The following ITGAV variants were observed in gnomAD, a reference collection of about 807,000 sequenced individuals.
ITGAV encodes integrin alpha-V.
A neutral mutation model predicts 143.8 loss-of-function variants in ITGAV; 76 were observed. That is an observed-to-expected ratio of 0.53 (90% CI 0.44 to 0.64). The LOEUF (loss-of-function observed/expected upper bound fraction) is 0.64, where lower values mean the gene tolerates loss of function less well. Among genes scored for constraint, ITGAV ranks in the 30% least tolerant of loss-of-function variants. The pLI, the probability that ITGAV is intolerant of heterozygous loss-of-function variation, is 0.00. For missense variants in ITGAV, 1,193 were observed against 1,274.7 expected (o/e 0.94, Z 0.98); for synonymous variants, 453 against 446.7 (o/e 1.01, Z -0.18).
intron 12 of ITGAV, among the ~76,000 whole-genome samples, chr2:186,645,166 GTAATA>G (rs778873720): frequency 5.1e-4 from 77 of 152,268 alleles, no homozygotes; most frequent in Non-Finnish European, 9.4e-4. Context: ...AGAAGGCAAG[GTAATA>G]TAATAGAGTT....
chr2:186,611,686 A>G (rs2105669578), intron 2 of ITGAV, among the ~76,000 whole-genome samples: 2 of 152,324 alleles, frequency 1.3e-5, no homozygotes, highest in South Asian at 4.1e-4. Context: ...ATTAACTGTG[A>G]CGTTGGGCAA....
At chr2:186,627,706 C>T (rs990884521) in intron 4 of ITGAV, among the ~76,000 whole-genome samples, 1 of 152,126 alleles carries the variant, frequency 6.6e-6, no homozygotes, top group African/African-American at 2.4e-5. Flanking sequence ...TCATCTAGTA[C>T]AGTTGTGAGA....
Position 186,641,596 on chromosome 2 carries a change from C to G in ITGAV, c.1159+8C>G. 1 of 1,610,944 alleles carries G rather than the reference C, an allele frequency of 6.2e-7. No individual in the cohort carries two copies. The highest frequency in any genetic ancestry group is 8.5e-7 in the Non-Finnish European group (1 of 1,177,408). On this transcript the variant is annotated splice_region_variant and intron_variant, in intron 12 of 29. Coordinates refer to ENST00000261023, the MANE Select transcript of ITGAV (RefSeq NM_002210.5). Reference sequence around the variant, plus strand: ...ACCAGGATGGTTTCAATGGTAAGATCAAAGTTTAGCAGCTACAGGTCCCTG... The same window carrying G: ...ACCAGGATGGTTTCAATGGTAAGATGAAAGTTTAGCAGCTACAGGTCCCTG...
intron 8 of ITGAV, among the ~76,000 whole-genome samples, 198 bp from the exon 9 acceptor site, chr2:186,638,079 G>T (rs1687995917): frequency 6.6e-6 from 1 of 152,166 alleles, no homozygotes; most frequent in South Asian, 2.1e-4. Context: ...GAGCCCTCCA[G>T]AATTTGTATT....
chr2:186,649,501 G>T (rs988271714), intron 13 of ITGAV, among the ~76,000 whole-genome samples: 1 of 152,002 alleles, frequency 6.6e-6, no homozygotes, highest in Non-Finnish European at 1.5e-5. Context: ...AAATTTTACA[G>T]TAAGATTGTA....
chr2:186,599,764 GCT>G (rs1033425445), intron 1 of ITGAV, among the ~76,000 whole-genome samples: 1 of 152,172 alleles, frequency 6.6e-6, no homozygotes, highest in African/African-American at 2.4e-5. Context: ...CTGCTTCTCT[GCT>G]CTCTAGGCTT....
intron 6 of ITGAV, among the ~76,000 whole-genome samples, chr2:186,633,728 C>T (rs972629800): frequency 3.3e-5 from 5 of 151,954 alleles, no homozygotes; most frequent in South Asian, 2.1e-4. Flanking sequence ...AGGCAGTGTG[C>T]GAAACCAATC....
chr2:186,622,321 C>T lies in ITGAV; in HGVS notation c.317-18C>T. ...ATAGTATATTTTGTGTCTTACCACTCACAATATTCTTTTTTAGGCAATAGA... is the reference window on the plus strand; with the variant it reads ...ATAGTATATTTTGTGTCTTACCACTTACAATATTCTTTTTTAGGCAATAGA... On this transcript the variant is annotated intron_variant, in intron 2 of 29. Transcript: ENST00000261023. The T allele has an allele frequency of 6.4e-7, 1 of 1,551,704 alleles. No individual in the cohort carries two copies. The highest frequency in any genetic ancestry group is 8.9e-7 in the Non-Finnish European group (1 of 1,124,194).
Position 186,667,731 on chromosome 2 carries a change from T to A in ITGAV, c.2388T>A (p.Pro796=). Residue 796 remains proline, a synonymous_variant, in exon 24 of 30, where the codon CCT becomes CCA. Transcript: ENST00000261023. Reference sequence around the variant, plus strand: ...CAAACTGGGAGCACAAGGAGAACCCTGAGACTGAAGAAGATGTTGGGCCAG... The same window carrying A: ...CAAACTGGGAGCACAAGGAGAACCCAGAGACTGAAGAAGATGTTGGGCCAG... ...PIPNWEHKEN[P]ETEEDVGPVV... is the part of the protein sequence containing the mutation. The A allele has an allele frequency of 6.2e-7, 1 of 1,611,440 alleles. No individual in the cohort carries two copies. Among genetic ancestry groups the A allele is most frequent in the Non-Finnish European group, 8.5e-7 (1 of 1,178,168 alleles).
intron 2 of ITGAV, among the ~76,000 whole-genome samples, chr2:186,614,663 A>T (rs1470301479): frequency 6.6e-6 from 1 of 151,624 alleles, no homozygotes; most frequent in Non-Finnish European, 1.5e-5. Context: ...CTGGGTTTTT[A>T]AATTTTGTTT....
chr2:186,590,182 C>G lies in ITGAV; in HGVS notation c.-157C>G, dbSNP rs957459805. The G allele has an allele frequency of 8.8e-6, 5 of 566,354 alleles. No homozygotes were observed. Among genetic ancestry groups the G allele is most frequent in the Non-Finnish European group, 1.4e-5 (5 of 366,280 alleles). 35.1% of individuals were successfully genotyped at this position (566,354 alleles called of 1,614,324 possible). On this transcript the variant is annotated 5_prime_UTR_variant, in exon 1 of 30. Transcript: ENST00000261023. ...CTGGCGGTCGCTCCGAAGCTCAGCC[C>G]TCTTGCCTGCCCCGGAGCTGTCCCG... is the stretch of plus-strand genomic sequence containing the variant.
chr2:186,629,978 G>C (rs1342251007), intron 4 of ITGAV, among the ~76,000 whole-genome samples: 1 of 152,000 alleles, frequency 6.6e-6, no homozygotes, highest in Non-Finnish European at 1.5e-5. Context: ...CAACTAAAAA[G>C]GGAACAACTA....
At chr2:186,654,767 A>G in intron 16 of ITGAV, 59 bp downstream of exon 16, 1 of 709,868 alleles carries the variant, frequency 1.4e-6, no homozygotes, top group Non-Finnish European at 2.5e-6. Flanking sequence ...AGCACTTAAA[A>G]AATATTTTAA....
intron 2 of ITGAV, among the ~76,000 whole-genome samples, chr2:186,613,565 A>G (rs1242119014): frequency 2.0e-5 from 3 of 152,148 alleles, no homozygotes; most frequent in Admixed American, 2.0e-4. Context: ...TGGTTGCAGA[A>G]CTTATTTTTG....
chr2:186,666,739 G>A lies in ITGAV; in HGVS notation c.2202G>A (p.Gln734=). 1 of 1,588,316 alleles carries A rather than the reference G, an allele frequency of 6.3e-7. No homozygotes were observed. The highest frequency in any genetic ancestry group is 8.6e-7 in the Non-Finnish European group (1 of 1,169,506). Residue 734 remains glutamine, a synonymous_variant, in exon 22 of 30, where the codon CAG becomes CAA. Transcript: ENST00000261023. ...LAGLRFSVHQ[Q]SEMDTSVKFD... is the part of the protein sequence containing the mutation. ...GTCTTCGTTTCAGTGTGCACCAGCAGTCAGAGATGGATACTTCTGTGAAAT... is the reference window on the plus strand; with the variant it reads ...GTCTTCGTTTCAGTGTGCACCAGCAATCAGAGATGGATACTTCTGTGAAAT...
intron 14 of ITGAV, 71 bp from the exon 15 acceptor site, chr2:186,651,911 C>G (rs1688441934): frequency 2.3e-6 from 2 of 872,824 alleles, no homozygotes; most frequent in Non-Finnish European, 3.7e-6. Context: ...TGAATATGAA[C>G]CAAAAATATT....
At position 186,602,003 on chromosome 2, in the gene ITGAV, G is replaced by C; in HGVS notation, c.186-18G>C. 6.2e-7 allele frequency: 1 copy of C among 1,600,564 alleles called. No individual in the cohort carries two copies. The highest frequency in any genetic ancestry group is 8.5e-7 in the Non-Finnish European group (1 of 1,174,808). ...CTTTGTTTCATTTAAACTTTGGTCT[G>C]CCGCTTTTGTATTTTAGCCGGATGT... On this transcript the variant is annotated intron_variant, in intron 1 of 29. Coordinates refer to ENST00000261023, the MANE Select transcript of ITGAV (RefSeq NM_002210.5).
At chr2:186,603,157 A>G (rs1686961267) in intron 2 of ITGAV, among the ~76,000 whole-genome samples, 2 of 152,168 alleles carry the variant, frequency 1.3e-5, no homozygotes, top group African/African-American at 2.4e-5. Flanking sequence ...GAAATCTTAG[A>G]TAGTCCTTAA....
intron 1 of ITGAV, among the ~76,000 whole-genome samples, chr2:186,594,209 C>T (rs1385281359): frequency 6.6e-6 from 1 of 152,170 alleles, no homozygotes; most frequent in Non-Finnish European, 1.5e-5. Flanking sequence ...TGAATCATTT[C>T]TCGTTGACTA....
Sources: allele counts gnomAD v4.1 joint callset (sites outside exome capture counted in the v4.1 genomes callset), GRCh38; gene constraint gnomAD v4.1.1; transcripts MANE v1.5; gene names NCBI Gene and HGNC (gene_info 2026-07-23, HGNC 2026-07-21).